The following BMPR1A variants were observed in gnomAD, a reference collection of about 807,000 sequenced individuals.
BMPR1A encodes bone morphogenetic protein receptor type 1A.
BMPR1A carries 7 observed loss-of-function variants against 66.0 expected under a neutral mutation model. The ratio of observed to expected loss-of-function variants is 0.11; its 90% CI spans 0.06 to 0.20. BMPR1A has a LOEUF of 0.20. Ranked by LOEUF, BMPR1A falls within the 10% of genes least tolerant of loss-of-function variation. The probability of loss-of-function intolerance (pLI) is 1.00; values close to 1 mark genes in which losing one functional copy is unlikely to be tolerated. For synonymous variants in BMPR1A, 200 were observed against 229.7 expected (o/e 0.87, Z 1.17); for missense variants, 408 against 669.1 (o/e 0.61, Z 4.31).
At chr10:86,859,243 A>G (rs965093952) in intron 2 of BMPR1A, among the ~76,000 whole-genome samples, 33 of 152,240 alleles carry the variant, frequency 2.2e-4, no homozygotes, top group African/African-American at 7.7e-4. Context: ...GTCTTTCACC[A>G]TATACAAAAA....
chr10:86,853,543 C>A (rs1197588249), intron 2 of BMPR1A, among the ~76,000 whole-genome samples: 1 of 152,162 alleles, frequency 6.6e-6, no homozygotes, highest in Non-Finnish European at 1.5e-5. Context: ...CTTCATTATC[C>A]TTCCTTATTG....
chr10:86,917,817 C>A (rs999673880), intron 9 of BMPR1A, among the ~76,000 whole-genome samples: 2 of 152,224 alleles, frequency 1.3e-5, no homozygotes, highest in Admixed American at 1.3e-4. Flanking sequence ...CTTTTCCCTT[C>A]ACCTCTTGTT....
chr10:86,859,087 G>A (rs1842680970), intron 2 of BMPR1A, among the ~76,000 whole-genome samples: 1 of 152,116 alleles, frequency 6.6e-6, no homozygotes, highest in African/African-American at 2.4e-5. Context: ...TAGACCAATT[G>A]AACAGAATAG....
At chr10:86,788,229 C>T (rs1463345764) in intron 1 of BMPR1A, among the ~76,000 whole-genome samples, 1 of 152,074 alleles carries the variant, frequency 6.6e-6, no homozygotes, top group East Asian at 1.9e-4. Flanking sequence ...AGGCCCATTC[C>T]GTTAGAGCAT....
At chr10:86,855,536 A>G (rs1015738639) in intron 2 of BMPR1A, 6 of 440,358 alleles carry the variant, frequency 1.4e-5, no homozygotes, top group African/African-American at 8.1e-5. Context: ...TAGTATTTCT[A>G]TTTTTTGAAA....
At chr10:86,893,122 TA>T (rs1843176342) in intron 5 of BMPR1A, among the ~76,000 whole-genome samples, 1 of 152,188 alleles carries the variant, frequency 6.6e-6, no homozygotes, top group Non-Finnish European at 1.5e-5. Context: ...CACTTATTTG[TA>T]GATTATAAAA....
chr10:86,858,710 A>G (rs901044988), intron 2 of BMPR1A, among the ~76,000 whole-genome samples: 4 of 152,200 alleles, frequency 2.6e-5, no homozygotes, highest in Non-Finnish European at 4.4e-5. Flanking sequence ...AATGAAATAC[A>G]TTTGACCAAG....
chr10:86,820,671 G>A (rs1026120245), intron 1 of BMPR1A, among the ~76,000 whole-genome samples: 4 of 152,034 alleles, frequency 2.6e-5, no homozygotes, highest in Non-Finnish European at 4.4e-5. Flanking sequence ...GCTATGTACC[G>A]TGCTCCTTGC....
At chr10:86,785,287 T>C (rs1841499410) in intron 1 of BMPR1A, among the ~76,000 whole-genome samples, 1 of 152,122 alleles carries the variant, frequency 6.6e-6, no homozygotes, top group Non-Finnish European at 1.5e-5. Context: ...ATTCAGCTAG[T>C]GTTGGGTGTA....
chr10:86,841,037 G>A lies in BMPR1A; in HGVS notation c.-153+2058G>A, dbSNP rs142590089. On this transcript the variant is annotated intron_variant, in intron 2 of 12. Coordinates refer to ENST00000372037, the MANE Select transcript of BMPR1A (RefSeq NM_004329.3). ...AAGAGATAATTTTGCTTGTATTGTC[G>A]GTGACACTTTGCCTGTCTGCCAGAG... 3.5e-4 allele frequency among the ~76,000 whole-genome samples: 54 copies of A among 152,160 alleles called. 1 individual carries two copies. The South Asian group carries it at 8.1e-3, about 23-fold the overall frequency.
chr10:86,794,339 A>G (rs1445992707), intron 1 of BMPR1A, among the ~76,000 whole-genome samples: 1 of 152,060 alleles, frequency 6.6e-6, no homozygotes, highest in Non-Finnish European at 1.5e-5. Flanking sequence ...ACGTTAGGCA[A>G]GTTTCTTCTC....
At chr10:86,760,644 C>G (rs996675813) in intron 1 of BMPR1A, among the ~76,000 whole-genome samples, 1 of 152,146 alleles carries the variant, frequency 6.6e-6, no homozygotes, top group Non-Finnish European at 1.5e-5. Flanking sequence ...AGGCTCCTGT[C>G]TAGCCTAACA....
chr10:86,898,182 G>A (rs1052579595), intron 5 of BMPR1A, among the ~76,000 whole-genome samples: 9 of 151,878 alleles, frequency 5.9e-5, no homozygotes, highest in South Asian at 2.1e-4. Context: ...AGCCTCCCAA[G>A]TAGCCACCAC....
chr10:86,930,893 T>C (rs112669180), downstream of BMPR1A: 6,476 of 152,200 alleles, frequency 0.043, 225 homozygotes, highest in Non-Finnish European at 0.067. Context: ...CCACCATGCC[T>C]GGCTCACATT....
chr10:86,909,483 T>C (rs563906037), intron 7 of BMPR1A, among the ~76,000 whole-genome samples: 1 of 151,972 alleles, frequency 6.6e-6, no homozygotes, highest in South Asian at 2.1e-4. Flanking sequence ...TCCCAGCTAC[T>C]TGGGGTTCCC....
At chr10:86,882,987 C>A (rs1011913262) in intron 3 of BMPR1A, among the ~76,000 whole-genome samples, 1 of 151,854 alleles carries the variant, frequency 6.6e-6, no homozygotes, top group Non-Finnish European at 1.5e-5. Flanking sequence ...AAAAAACCAT[C>A]AAAAACTACT....
intron 3 of BMPR1A, among the ~76,000 whole-genome samples, chr10:86,877,542 A>T (rs934088763): frequency 6.6e-6 from 1 of 152,168 alleles, no homozygotes; most frequent in Non-Finnish European, 1.5e-5. Flanking sequence ...ATAGAATGAA[A>T]TCTATAGCTT....
chr10:86,770,093 T>G (rs1841229344), intron 1 of BMPR1A, among the ~76,000 whole-genome samples: 1 of 151,970 alleles, frequency 6.6e-6, no homozygotes, highest in Non-Finnish European at 1.5e-5. Context: ...GAGTTCGAGA[T>G]CAGCCTGGGC....
chr10:86,875,717 C>T, intron 2 of BMPR1A, 150 bp from the exon 3 acceptor site: 1 of 437,352 alleles, frequency 2.3e-6, no homozygotes, highest in South Asian at 2.8e-5. Flanking sequence ...ATTATAGTGC[C>T]TAAAAAAAAA....
Sources: allele counts gnomAD v4.1 joint callset (sites outside exome capture counted in the v4.1 genomes callset), GRCh38; gene constraint gnomAD v4.1.1; transcripts MANE v1.5; gene names NCBI Gene and HGNC (gene_info 2026-07-23, HGNC 2026-07-21).